Variants in GLS observed in about 807,000 individuals in gnomAD.
GLS encodes the protein glutaminase, also known as glutaminase kidney isoform, mitochondrial.
In GLS, 36 loss-of-function variants were observed where a neutral mutation model predicts 86.7. The ratio of observed to expected loss-of-function variants is 0.42; its 90% CI spans 0.32 to 0.55. GLS has a LOEUF of 0.55. Among genes scored for constraint, GLS ranks in the 20% least tolerant of loss-of-function variants. GLS has a pLI of 0.17. For missense variants in GLS, 528 were observed against 833.4 expected (o/e 0.63, Z 4.51); for synonymous variants, 317 against 305.9 (o/e 1.04, Z -0.38).
At position 190,935,362 on chromosome 2, in the gene GLS, G is replaced by T. The variant is rs984218389; in HGVS notation, c.1650+3725G>T. ...CTTCAACATTTTAAGTACAAATACA[G>T]TTGGGATTTTAACTTAGAAAAAATT... On this transcript the variant is annotated intron_variant, in intron 14 of 17. Transcript: ENST00000320717. This position sits in a 1 kb window ranked among gnomAD's most constrained non-coding sequence, Gnocchi z 4.2. 5.6e-6 allele frequency: 1 copy of T among 178,114 alleles called. No individual in the cohort carries two copies. Among genetic ancestry groups the T allele is most frequent in the African/African-American group, 2.4e-5 (1 of 41,874 alleles). The allele number at this position is 178,114 out of a possible 1,614,324, so 11.0% of individuals were successfully genotyped here.
intron 14 of GLS, among the ~76,000 whole-genome samples, chr2:190,936,433 G>T (rs1558989291): frequency 6.6e-6 from 1 of 151,016 alleles, no homozygotes; most frequent in African/African-American, 2.4e-5. Context: ...ATGATGAGCA[G>T]TTCTTTTCAC....
Position 190,935,188 on chromosome 2 carries a change from T to G in GLS, c.1650+3551T>G. The G allele has an allele frequency of 1.1e-6, 1 of 896,486 alleles. No individual in the cohort carries two copies. The highest frequency in any genetic ancestry group is 1.3e-6 in the Non-Finnish European group (1 of 749,154). The allele number at this position is 896,486 out of a possible 1,614,324, so 55.5% of individuals were successfully genotyped here. On this transcript the variant is annotated intron_variant, in intron 14 of 17. Coordinates refer to ENST00000320717, the MANE Select transcript of GLS (RefSeq NM_014905.5). The surrounding 1 kb of genome is among the most constrained non-coding windows in gnomAD (Gnocchi z 4.2). ...TATCTTAGTGTTTGGATGAAAACAT[T>G]TGTGTTGTTTAGCTTTCATTTGCTT...
Position 190,938,670 on chromosome 2 carries a change from T to G in GLS, c.1650+7033T>G, listed in dbSNP as rs1279512818. ...TGAGGGGGTTGGTCTGTTTTGTGTT[T>G]TGTTAGGATGGACTTTCTGTTTGTA... On this transcript the variant is annotated intron_variant, in intron 14 of 17. Coordinates refer to ENST00000320717, the MANE Select transcript of GLS (RefSeq NM_014905.5). The surrounding 1 kb of genome is among the most constrained non-coding windows in gnomAD (Gnocchi z 4.1). 6.6e-6 allele frequency among the ~76,000 whole-genome samples: 1 copy of G among 151,708 alleles called. No individual in the cohort carries two copies. Among genetic ancestry groups the G allele is most frequent in the African/African-American group, 2.4e-5 (1 of 41,420 alleles).
chr2:190,957,236 G>A (rs527686136), intron 17 of GLS, among the ~76,000 whole-genome samples: 10 of 152,134 alleles, frequency 6.6e-5, no homozygotes, highest in South Asian at 4.1e-4. Context: ...GATTACAGGC[G>A]TGTGCCCACC....
intron 14 of GLS, among the ~76,000 whole-genome samples, chr2:190,952,291 T>G (rs1690735920): frequency 6.6e-6 from 1 of 152,190 alleles, no homozygotes; most frequent in Non-Finnish European, 1.5e-5. Context: ...TGAAGTGGTA[T>G]CAACACAAAT....
intron 12 of GLS, among the ~76,000 whole-genome samples, chr2:190,929,376 A>G (rs1690024822): frequency 6.6e-6 from 1 of 152,182 alleles, no homozygotes; most frequent in African/African-American, 2.4e-5. Flanking sequence ...GAATAAAAGC[A>G]TCCATAGCCT....
rs1689836887 is a variant in GLS, at chr2:190,924,439, A to G, written c.1198-104A>G. Reference sequence around the variant, plus strand: ...TTAGAAGTTACATGCTATTTTATTAATTAAAATGAAACACTTGTGTACATT... The same window carrying G: ...TTAGAAGTTACATGCTATTTTATTAGTTAAAATGAAACACTTGTGTACATT... On this transcript the variant is annotated intron_variant, in intron 10 of 17. Transcript: ENST00000320717. The surrounding 1 kb of genome is among the most constrained non-coding windows in gnomAD (Gnocchi z 5.2). 4 of 713,328 alleles carry G rather than the reference A, an allele frequency of 5.6e-6. No individual in the cohort carries two copies. The highest frequency in any genetic ancestry group is 1.0e-5 in the Non-Finnish European group (4 of 395,396). 44.2% of individuals were successfully genotyped at this position (713,328 alleles called of 1,614,324 possible). A position where few individuals can be genotyped will look rare whatever the true frequency, so the allele number is the denominator to read the frequency against.
intron 14 of GLS, among the ~76,000 whole-genome samples, chr2:190,952,304 T>C (rs1282306263): frequency 6.6e-6 from 1 of 152,156 alleles, no homozygotes; most frequent in African/African-American, 2.4e-5. Flanking sequence ...ACACAAATAG[T>C]AATAGTAGTA....
chr2:190,915,407 A>C (rs1296589574), intron 7 of GLS, among the ~76,000 whole-genome samples: 1 of 152,136 alleles, frequency 6.6e-6, no homozygotes, highest in Non-Finnish European at 1.5e-5. Context: ...AATTTTGATA[A>C]GTATATTTCT....
At chr2:190,931,307 A>G (rs1473430056) in intron 13 of GLS, among the ~76,000 whole-genome samples, 1 of 152,132 alleles carries the variant, frequency 6.6e-6, no homozygotes, top group African/African-American at 2.4e-5. Flanking sequence ...TATTTTGTAG[A>G]AGATGAAAGA....
At chr2:190,892,687 T>C (rs369486459) in intron 1 of GLS, among the ~76,000 whole-genome samples, 8 of 152,172 alleles carry the variant, frequency 5.3e-5, no homozygotes, top group Non-Finnish European at 8.8e-5. Flanking sequence ...TATTTGAGTA[T>C]GTTTGTTCGC....
chr2:190,909,153 AT>A (rs999022970), intron 6 of GLS, among the ~76,000 whole-genome samples: 1 of 152,160 alleles, frequency 6.6e-6, no homozygotes, highest in East Asian at 1.9e-4. Context: ...GAAACTTGGC[AT>A]TATGAATACA....
chr2:190,933,697 T>C (rs1321706719), intron 14 of GLS: 3 of 921,526 alleles, frequency 3.3e-6, no homozygotes, highest in African/African-American at 3.6e-5. Context: ...ATTATCCACA[T>C]AACTTTTTCT....
At chr2:190,925,555 G>T (rs556685157) in intron 11 of GLS, among the ~76,000 whole-genome samples, 30 of 152,262 alleles carry the variant, frequency 2.0e-4, no homozygotes, top group African/African-American at 7.0e-4. Flanking sequence ...CACTGATGGG[G>T]CTGTAATGTG....
At position 190,962,085 on chromosome 2, in the gene GLS, CA is replaced by C. The variant is rs55920293; in HGVS notation, c.1854-741del. On this transcript the variant is annotated intron_variant, in intron 17 of 17. Coordinates refer to ENST00000320717, the MANE Select transcript of GLS (RefSeq NM_014905.5). The surrounding 1 kb of genome is among the most constrained non-coding windows in gnomAD (Gnocchi z 4.2). ...AGTTATGTAGTTCTGTCTCCTCTTG[CA>C]AAAGACTTACCACTTCTGGCAAGTG... Among the ~76,000 whole-genome samples the C allele has an allele frequency of 1.3e-5, 2 of 152,318 alleles. No individual in the cohort carries two copies. The highest frequency in any genetic ancestry group is 2.1e-4 in the South Asian group (1 of 4,826).
Position 190,881,338 on chromosome 2 carries a change from A to T in GLS, c.254A>T (p.Lys85Met). 1 of 1,532,622 alleles carries T rather than the reference A, an allele frequency of 6.5e-7. No individual in the cohort carries two copies. Among genetic ancestry groups the T allele is most frequent in the Non-Finnish European group, 8.8e-7 (1 of 1,139,810 alleles). 94.9% of individuals were successfully genotyped at this position (1,532,622 alleles called of 1,614,324 possible). ...SPSEILQELG[K>M]GSTHPQPGVS... ...TCGGAGATCTTGCAGGAGCTGGGCAAGGGGAGCACGCATCCGCAGCCCGGG... is the reference window on the plus strand; with the variant it reads ...TCGGAGATCTTGCAGGAGCTGGGCATGGGGAGCACGCATCCGCAGCCCGGG... Residue 85 changes from lysine (K) to methionine (M), a missense_variant, in exon 1 of 18, where the codon AAG (lysine) becomes ATG (methionine). Around this residue, in one of 4 missense-constraint regions of GLS, gnomAD observed 224 missense variants for 187.9 expected, o/e 1.19. Coordinates refer to ENST00000320717, the MANE Select transcript of GLS (RefSeq NM_014905.5).
chr2:190,941,672 G>T (rs757419180), intron 14 of GLS, among the ~76,000 whole-genome samples: 3 of 152,074 alleles, frequency 2.0e-5, no homozygotes, highest in Non-Finnish European at 4.4e-5. Context: ...GTGTTAATAG[G>T]CTAGTCTGAC....
chr2:190,910,659 TC>T (rs1466126534), intron 7 of GLS, among the ~76,000 whole-genome samples: 1 of 151,736 alleles, frequency 6.6e-6, no homozygotes. Flanking sequence ...TCCTTTTGGT[TC>T]TTCCAGAATG....
At chr2:190,910,918 A>G (rs1015529513) in intron 7 of GLS, among the ~76,000 whole-genome samples, 1 of 148,938 alleles carries the variant, frequency 6.7e-6, no homozygotes, top group Non-Finnish European at 1.5e-5. Flanking sequence ...ATGCTTTGAA[A>G]TTTGCATTGT....
Sources: gnomAD v4.1 joint callset for allele counts (sites outside exome capture counted in the v4.1 genomes callset) on GRCh38, gnomAD v4.1.1 for gene constraint, gnomAD v4.1.1 regional missense constraint, Gnocchi (gnomAD v3.1) non-coding constraint, MANE v1.5 for transcripts, NCBI Gene and HGNC (gene_info 2026-07-23, HGNC 2026-07-21) for gene names.